SNTG1: variants seen among roughly 807,000 people sequenced by gnomAD.
The protein encoded by SNTG1 is syntrophin gamma 1, also known as gamma-1-syntrophin.
A neutral mutation model predicts 74.7 loss-of-function variants in SNTG1; 39 were observed. The ratio of observed to expected loss-of-function variants is 0.52; its 90% CI spans 0.40 to 0.68. SNTG1 has a LOEUF of 0.68. Ranked by LOEUF, SNTG1 falls within the 30% of genes least tolerant of loss-of-function variation. The probability of loss-of-function intolerance (pLI) is 0.00; values close to 1 mark genes in which losing one functional copy is unlikely to be tolerated. For synonymous variants in SNTG1, 254 were observed against 217.1 expected (o/e 1.17, Z -1.49); for missense variants, 685 against 609.5 (o/e 1.12, Z -1.30).
intron 9 of SNTG1, among the ~76,000 whole-genome samples, chr8:50,506,404 G>C (rs1293202186): frequency 6.6e-6 from 1 of 152,004 alleles, no homozygotes; most frequent in Non-Finnish European, 1.5e-5. Context: ...TTTTGATAGG[G>C]ATTGCATTGA....
At chr8:50,691,627 C>A (rs939194507) in intron 15 of SNTG1, among the ~76,000 whole-genome samples, 3 of 152,212 alleles carry the variant, frequency 2.0e-5, no homozygotes, top group Non-Finnish European at 2.9e-5. Flanking sequence ...AGCTGTTAGT[C>A]TGATGGGCTT....
intron 2 of SNTG1, among the ~76,000 whole-genome samples, chr8:50,379,262 T>A (rs558435374): frequency 5.3e-5 from 8 of 151,660 alleles, no homozygotes; most frequent in Admixed American, 2.6e-4. Flanking sequence ...GAGATCAGAG[T>A]AAGTGCTCAC....
chr8:50,783,749 G>T (rs1349311269), intron 18 of SNTG1, among the ~76,000 whole-genome samples: 1 of 152,184 alleles, frequency 6.6e-6, no homozygotes, highest in Non-Finnish European at 1.5e-5. Flanking sequence ...GATGAACCTG[G>T]TACCTCACAT....
intron 12 of SNTG1, among the ~76,000 whole-genome samples, chr8:50,570,764 C>A (rs1273190521): frequency 6.6e-6 from 1 of 151,572 alleles, no homozygotes; most frequent in Non-Finnish European, 1.5e-5. Context: ...ACCACCGTGC[C>A]TGTAGAATTT....
chr8:50,258,833 C>A (rs1283425374), intron 2 of SNTG1, among the ~76,000 whole-genome samples: 1 of 151,904 alleles, frequency 6.6e-6, no homozygotes, highest in East Asian at 1.9e-4. Context: ...GAGATTACCG[C>A]CTGATGAGAT....
intron 1 of SNTG1, among the ~76,000 whole-genome samples, chr8:50,124,231 G>T (rs1318168264): frequency 7.1e-6 from 1 of 141,472 alleles, no homozygotes; most frequent in Non-Finnish European, 1.6e-5. Flanking sequence ...GGGAGAAAAT[G>T]GCCATTTGCA....
intron 1 of SNTG1, among the ~76,000 whole-genome samples, chr8:49,959,963 A>T (rs1353605667): frequency 1.3e-5 from 2 of 152,176 alleles, no homozygotes; most frequent in African/African-American, 2.4e-5. Context: ...GATCCCATGA[A>T]ATTAATAAAT....
At chr8:50,507,677 A>G (rs763381261) in intron 9 of SNTG1, among the ~76,000 whole-genome samples, 2 of 148,590 alleles carry the variant, frequency 1.3e-5, no homozygotes, top group Non-Finnish European at 3.0e-5. Flanking sequence ...AATGTCTACT[A>G]TTTCATTTCT....
intron 17 of SNTG1, among the ~76,000 whole-genome samples, chr8:50,730,290 G>C (rs1164776604): frequency 6.6e-6 from 1 of 152,138 alleles, no homozygotes; most frequent in East Asian, 1.9e-4. Flanking sequence ...TGAGGCCGAG[G>C]GGATGAAGGC....
intron 1 of SNTG1, among the ~76,000 whole-genome samples, chr8:50,054,016 T>C (rs918472780): frequency 6.6e-6 from 1 of 152,062 alleles, no homozygotes; most frequent in Admixed American, 6.6e-5. Flanking sequence ...ATCATATTCC[T>C]GCCTGTAAGA....
intron 1 of SNTG1, among the ~76,000 whole-genome samples, chr8:50,074,733 C>T (rs1821678124): frequency 6.6e-6 from 1 of 152,198 alleles, no homozygotes; most frequent in South Asian, 2.1e-4. Context: ...TCAGTGCCTC[C>T]TTGGCCTAGG....
intron 2 of SNTG1, among the ~76,000 whole-genome samples, chr8:50,380,744 T>C (rs2131223389): frequency 6.6e-6 from 1 of 152,358 alleles, no homozygotes; most frequent in South Asian, 2.1e-4. Flanking sequence ...TCTCATTTTA[T>C]TTTCCAGGTT....
In SNTG1 at chr8:50,074,845, G is replaced by A. The variant is rs555879759; in HGVS notation, c.-102-97716G>A. ...GCCAGAGCCAACTCCCTCTGCTTGC[G>A]AGGGAGTGGGGAAGGACAGGTACCT... On this transcript the variant is annotated intron_variant, in intron 1 of 18. Transcript: ENST00000642720. 1.6e-4 allele frequency among the ~76,000 whole-genome samples: 24 copies of A among 152,242 alleles called. 1 individual carries two copies. Among genetic ancestry groups the A allele is most frequent in the East Asian group, 3.9e-4 (2 of 5,130 alleles).
chr8:50,711,906 G>T (rs1230084946), intron 17 of SNTG1, among the ~76,000 whole-genome samples: 1 of 151,924 alleles, frequency 6.6e-6, no homozygotes, highest in African/African-American at 2.4e-5. Context: ...TTAGAGAAGG[G>T]TATTATTATT....
chr8:50,732,737 C>G (rs2095515936), intron 17 of SNTG1, among the ~76,000 whole-genome samples: 1 of 151,634 alleles, frequency 6.6e-6, no homozygotes, highest in Non-Finnish European at 1.5e-5. Flanking sequence ...TTCCACATAA[C>G]CTTACTAGCT....
intron 13 of SNTG1, among the ~76,000 whole-genome samples, chr8:50,601,736 A>G (rs533436394): frequency 3.6e-4 from 55 of 152,206 alleles, no homozygotes; most frequent in Non-Finnish European, 6.5e-4. Context: ...GTGTGTAGCT[A>G]TTCTTGTATT....
intron 9 of SNTG1, among the ~76,000 whole-genome samples, chr8:50,515,008 C>T (rs1356294542): frequency 6.6e-6 from 1 of 152,090 alleles, no homozygotes; most frequent in Non-Finnish European, 1.5e-5. Context: ...TAGTTAAAGT[C>T]TATTTTTGTC....
intron 9 of SNTG1, among the ~76,000 whole-genome samples, chr8:50,518,019 C>G (rs759977347): frequency 1.3e-5 from 2 of 152,186 alleles, no homozygotes; most frequent in Admixed American, 1.3e-4. Flanking sequence ...CTTAGCACCA[C>G]ATCACACTTA....
At chr8:50,587,811 AAAG>A (rs1268011812) in intron 12 of SNTG1, among the ~76,000 whole-genome samples, 7 of 147,612 alleles carry the variant, frequency 4.7e-5, no homozygotes, top group Non-Finnish European at 8.9e-5. Context: ...AAAAAAAAGA[AAAG>A]AAAAAGAAAA....
Sources: allele counts gnomAD v4.1 joint callset (sites outside exome capture counted in the v4.1 genomes callset), GRCh38; gene constraint gnomAD v4.1.1; transcripts MANE v1.5; gene names NCBI Gene and HGNC (gene_info 2026-07-23, HGNC 2026-07-21).